The following SYT7 variants were observed in gnomAD, a reference collection of about 807,000 sequenced individuals.
The protein encoded by SYT7 is synaptotagmin 7.
A neutral mutation model predicts 75.1 loss-of-function variants in SYT7; 29 were observed. The ratio of observed to expected loss-of-function variants is 0.39; its 90% CI spans 0.29 to 0.53. The LOEUF is 0.53. SYT7 is among the 20% of genes least tolerant of loss of function. The pLI is 0.77. For synonymous variants in SYT7, 376 were observed against 401.7 expected (o/e 0.94, Z 0.76); for missense variants, 693 against 953.2 (o/e 0.73, Z 3.59).
At chr11:61,575,659 C>T (rs2064051912) in intron 1 of SYT7, among the ~76,000 whole-genome samples, 1 of 152,212 alleles carries the variant, frequency 6.6e-6, no homozygotes, top group African/African-American at 2.4e-5. Context: ...GGCAGGGTCC[C>T]TGGCACACAG....
At chr11:61,519,619 T>C (rs78947138) in intron 12 of SYT7, among the ~76,000 whole-genome samples, 5,590 of 152,100 alleles carry the variant, frequency 0.037, 357 homozygotes, top group African/African-American at 0.13. Context: ...ACGGAAAGAC[T>C]GGTGAAATAC....
intron 1 of SYT7, among the ~76,000 whole-genome samples, chr11:61,569,190 A>G (rs921489008): frequency 6.6e-6 from 1 of 151,854 alleles, no homozygotes; most frequent in Non-Finnish European, 1.5e-5. Flanking sequence ...TTTTCCAGGC[A>G]ATTACCTCCT....
In SYT7 at chr11:61,533,103, C is replaced by T. The variant is rs752514191; in HGVS notation, c.1086G>A (p.Ala362=). ...GGCCTGGCACGGGGGCTGTGTTCAC[C>T]GCCTTCCCTCCTGCAGGCAACCTGA... The part of the protein sequence containing the change: ...GDKRLPAGGK[A]VNTAPVPGQT... The change falls in exon 8 of 13, where the codon GCG becomes GCA. Residue 362 remains alanine (A), a synonymous_variant. Transcript: ENST00000539008. 1.4e-5 allele frequency: 23 copies of T among 1,603,946 alleles called. No homozygotes were observed. The highest frequency in any genetic ancestry group is 5.3e-5 in the African/African-American group (4 of 74,792).
rs773517956 is a variant in SYT7, at chr11:61,515,392, G to C, written c.*3235C>G. 3.4e-4 allele frequency: 52 copies of C among 151,824 alleles called. No individual in the cohort carries two copies. Among genetic ancestry groups the C allele is most frequent in the Non-Finnish European group, 6.0e-4 (41 of 67,988 alleles). 9.4% of individuals were successfully genotyped at this position (151,824 alleles called of 1,614,324 possible). On this transcript the variant is annotated 3_prime_UTR_variant, in exon 13 of 13. Transcript: ENST00000539008. ...CCCATTCCCACAAAAATATGATTTT[G>C]CAAAGAGGAAATCTTGCTGGCTTAG... is the stretch of plus-strand genomic sequence containing the variant.
intron 8 of SYT7, 116 bp downstream of exon 8, chr11:61,532,873 A>T: frequency 6.9e-7 from 1 of 1,442,360 alleles, no homozygotes. Flanking sequence ...CTTCTGACCC[A>T]GTTCCCTGCC....
intron 8 of SYT7, among the ~76,000 whole-genome samples, chr11:61,528,766 C>A (rs2062609856): frequency 1.3e-5 from 2 of 152,284 alleles, no homozygotes; most frequent in South Asian, 4.1e-4. Context: ...GGCAGAATCA[C>A]TAGGGACAAG....
At chr11:61,560,578 T>A (rs187131300) in intron 1 of SYT7, among the ~76,000 whole-genome samples, 22 of 152,256 alleles carry the variant, frequency 1.4e-4, no homozygotes, top group African/African-American at 5.1e-4. Context: ...AAACAAACAC[T>A]TGCCACTGCA....
chr11:61,547,495 C>T (rs867919178), intron 3 of SYT7, among the ~76,000 whole-genome samples, 187 bp from the exon 4 acceptor site: 9 of 152,016 alleles, frequency 5.9e-5, no homozygotes, highest in Middle Eastern at 3.2e-3. Flanking sequence ...GGCACACGCA[C>T]GCATACACGC....
rs113394075 is a variant in SYT7, at chr11:61,532,302, T to A, written c.1200+687A>T. On this transcript the variant is annotated intron_variant, in intron 8 of 12. Coordinates refer to ENST00000539008, the MANE Select transcript of SYT7 (RefSeq NM_001365809.2). ...CTCCCTCCAGGGCCTCTTTGGAAAG[T>A]ACAGGTGGGGCAAGTGGCTGTGACT... is the stretch of plus-strand genomic sequence containing the variant. Among the ~76,000 whole-genome samples, 517 of 152,166 alleles carry A rather than the reference T, an allele frequency of 3.4e-3. 5 individuals are homozygous for A. Among genetic ancestry groups the A allele is most frequent in the African/African-American group, 0.012 (496 of 41,544 alleles).
chr11:61,582,176 C>T (rs1215349696), upstream of SYT7, among the ~76,000 whole-genome samples: 2 of 151,872 alleles, frequency 1.3e-5, no homozygotes, highest in South Asian at 2.1e-4. Context: ...CATACACTGA[C>T]GCTCCCCACA....
upstream of SYT7, among the ~76,000 whole-genome samples, chr11:61,585,963 G>A (rs1387663185): frequency 6.6e-6 from 1 of 152,164 alleles, no homozygotes; most frequent in Non-Finnish European, 1.5e-5. Context: ...AATACCCTGG[G>A]GAGATGGCAA....
intron 7 of SYT7, 29 bp downstream of exon 7, chr11:61,538,115 C>A: frequency 6.5e-7 from 1 of 1,534,292 alleles, no homozygotes; most frequent in Non-Finnish European, 8.7e-7. Flanking sequence ...TCTGCCGCCG[C>A]CGCCGCAGGC....
At position 61,580,363 on chromosome 11, in the gene SYT7, G is replaced by A. The variant is rs1176212253; in HGVS notation, c.31+427C>T. On this transcript the variant is annotated intron_variant, in intron 1 of 12. Transcript: ENST00000539008. This position sits in a 1 kb window ranked among gnomAD's most constrained non-coding sequence, Gnocchi z 6.1. The stretch of plus-strand genomic sequence containing the variant: ...GATGCCACTCCGCTCCCCTGTGCCC[G>A]CAACCTTGGCCAAGAGCTGCCGGGA... Among the ~76,000 whole-genome samples, 2 of 152,054 alleles carry A rather than the reference G, an allele frequency of 1.3e-5. No homozygotes were observed. Among genetic ancestry groups the A allele is most frequent in the African/African-American group, 4.8e-5 (2 of 41,416 alleles).
intron 6 of SYT7, chr11:61,540,464 A>T: frequency 1.0e-6 from 1 of 960,418 alleles, no homozygotes; most frequent in Non-Finnish European, 1.2e-6. Flanking sequence ...TGCCTCTTGC[A>T]AAGCCTAAAT....
chr11:61,584,072 G>T (rs185498881), upstream of SYT7, among the ~76,000 whole-genome samples: 9 of 152,222 alleles, frequency 5.9e-5, no homozygotes, highest in Admixed American at 2.0e-4. Flanking sequence ...TTTAAGCATG[G>T]TGAAAAAATC....
chr11:61,585,165 T>C (rs198760), upstream of SYT7, among the ~76,000 whole-genome samples: 21,439 of 152,272 alleles, frequency 0.14, 3,947 homozygotes, highest in African/African-American at 0.43. Context: ...TGCTAGGCCA[T>C]GGCTAGGAGG....
intron 8 of SYT7, among the ~76,000 whole-genome samples, chr11:61,531,467 A>G (rs572235650): frequency 2.1e-3 from 313 of 148,716 alleles, no homozygotes; most frequent in South Asian, 9.3e-3. Context: ...TGGGGGGGGG[A>G]AGATGGAAGG....
rs185626654 is a variant in SYT7 at position 61,542,192 on chromosome 11, G to C, written c.941+19C>G. 6.5e-7 allele frequency: 1 copy of C among 1,529,862 alleles called. No individual in the cohort carries two copies. 94.8% of individuals were successfully genotyped at this position (1,529,862 alleles called of 1,614,324 possible). A position where few individuals can be genotyped will look rare whatever the true frequency, so the allele number is the denominator to read the frequency against. ...GGGTCAGGGAGGTGGGGGCCGGCCC[G>C]CTCAAGGGGAGGACTTACAGGAAGG... On this transcript the variant is annotated intron_variant, in intron 6 of 12. Coordinates refer to ENST00000539008, the MANE Select transcript of SYT7 (RefSeq NM_001365809.2). This position sits in a 1 kb window ranked among gnomAD's most constrained non-coding sequence, Gnocchi z 7.8.
At chr11:61,530,972 A>C in intron 8 of SYT7, 1 of 985,366 alleles carries the variant, frequency 1.0e-6, no homozygotes, top group Non-Finnish European at 1.2e-6. Flanking sequence ...CCAGGGCAGG[A>C]GGTGCCCAGA....
Sources: allele counts gnomAD v4.1 joint callset (sites outside exome capture counted in the v4.1 genomes callset), GRCh38; gene constraint gnomAD v4.1.1; non-coding constraint Gnocchi (gnomAD v3.1); transcripts MANE v1.5; gene names NCBI Gene and HGNC (gene_info 2026-07-23, HGNC 2026-07-21).